Variants in SCMH1 observed in about 807,000 individuals in gnomAD.
SCMH1 encodes polycomb protein SCMH1.
Under a neutral mutation model 70.8 loss-of-function variants are expected in SCMH1, and 37 were observed. The observed-to-expected ratio is 0.52, with a 90% confidence interval of 0.40 to 0.69. SCMH1 has a LOEUF of 0.69. Among genes scored for constraint, SCMH1 ranks in the 30% least tolerant of loss-of-function variants. The pLI, the probability that SCMH1 is intolerant of heterozygous loss-of-function variation, is 0.00. For missense variants in SCMH1, 607 were observed against 827.3 expected (o/e 0.73, Z 3.27); for synonymous variants, 292 against 307.4 (o/e 0.95, Z 0.52).
chr1:41,180,540 T>C (rs1465194632), intron 2 of SCMH1, among the ~76,000 whole-genome samples: 1 of 152,168 alleles, frequency 6.6e-6, no homozygotes, highest in Admixed American at 6.5e-5. Context: ...AAAAGCATTC[T>C]TATACACCAA....
At chr1:41,178,677 A>C (rs1373798900) in intron 2 of SCMH1, among the ~76,000 whole-genome samples, 6 of 152,268 alleles carry the variant, frequency 3.9e-5, no homozygotes, top group Non-Finnish European at 7.3e-5. Context: ...TTCAACAAGA[A>C]GAGCTAACTA....
intron 1 of SCMH1, among the ~76,000 whole-genome samples, chr1:41,203,945 C>T (rs567995845): frequency 3.3e-4 from 50 of 152,188 alleles, no homozygotes; most frequent in Non-Finnish European, 5.4e-4. Flanking sequence ...CACTTCACAC[C>T]TCTATATTTC....
At chr1:41,087,007 A>C (rs1020754169) in intron 8 of SCMH1, among the ~76,000 whole-genome samples, 4 of 152,150 alleles carry the variant, frequency 2.6e-5, no homozygotes, top group African/African-American at 9.7e-5. Flanking sequence ...CAAAGCTTCT[A>C]TTATGAAAAC....
intron 1 of SCMH1, among the ~76,000 whole-genome samples, chr1:41,236,533 G>C (rs1489339937): frequency 1.3e-5 from 2 of 152,174 alleles, no homozygotes; most frequent in African/African-American, 4.8e-5. Context: ...TAACAGTATG[G>C]AAGACAGACC....
chr1:41,134,029 C>A (rs1411063134), intron 6 of SCMH1, among the ~76,000 whole-genome samples: 1 of 152,266 alleles, frequency 6.6e-6, no homozygotes, highest in East Asian at 1.9e-4. Context: ...ATGCAAAAAT[C>A]CTCAATAAAA....
chr1:41,229,389 A>ACCATGGAATACTATGTAG, intron 1 of SCMH1, among the ~76,000 whole-genome samples: 1 of 152,304 alleles, frequency 6.6e-6, no homozygotes, highest in African/African-American at 2.4e-5. Flanking sequence ...GCACATATAC[A>ACCATGGAATACTATGTAG]CCATGGAATA....
intron 8 of SCMH1, among the ~76,000 whole-genome samples, chr1:41,095,803 G>A (rs1326057021): frequency 6.6e-6 from 1 of 152,098 alleles, no homozygotes; most frequent in Non-Finnish European, 1.5e-5. Flanking sequence ...AAATGCTTAA[G>A]TAAGTTTATC....
At chr1:41,155,707 CG>C (rs1442779352) in intron 4 of SCMH1, among the ~76,000 whole-genome samples, 1 of 152,006 alleles carries the variant, frequency 6.6e-6, no homozygotes, top group Non-Finnish European at 1.5e-5. Context: ...TTGGGCCGGG[CG>C]CAGTAGTTCA....
At chr1:41,046,501 A>C (rs774904829) in exon 12 of SCMH1, 1 of 1,614,202 alleles carries the variant, frequency 6.2e-7, no homozygotes, top group East Asian at 2.2e-5. Flanking sequence ...GATTGTCACT[A>C]CGAAGGTTGT....
At chr1:41,143,618 C>T (rs1355966909) in intron 5 of SCMH1, among the ~76,000 whole-genome samples, 1 of 152,126 alleles carries the variant, frequency 6.6e-6, no homozygotes, top group East Asian at 1.9e-4. Context: ...TTTAGTAAGT[C>T]TTGACATATG....
chr1:41,222,603 A>G (rs1659521576), intron 1 of SCMH1, among the ~76,000 whole-genome samples: 1 of 152,178 alleles, frequency 6.6e-6, no homozygotes, highest in Non-Finnish European at 1.5e-5. Flanking sequence ...TATGCCAAGG[A>G]ACTCTACAGA....
intron 4 of SCMH1, among the ~76,000 whole-genome samples, chr1:41,156,337 G>C (rs979451745): frequency 5.9e-5 from 9 of 152,298 alleles, no homozygotes; most frequent in African/African-American, 1.9e-4. Flanking sequence ...CTTTAGATCA[G>C]AAATTCCACT....
chr1:41,096,419 T>G (rs60424846), intron 8 of SCMH1, among the ~76,000 whole-genome samples: 7 of 152,190 alleles, frequency 4.6e-5, no homozygotes, highest in African/African-American at 1.7e-4. Flanking sequence ...ATTTGTAAAA[T>G]AGATAATAGT....
intron 6 of SCMH1, among the ~76,000 whole-genome samples, chr1:41,138,493 C>T (rs990428592): frequency 1.3e-5 from 2 of 151,848 alleles, no homozygotes; most frequent in East Asian, 3.9e-4. Context: ...ACTTTTTAAC[C>T]TTTTCTAATA....
chr1:41,058,434 G>C (rs1447534525), intron 10 of SCMH1, among the ~76,000 whole-genome samples: 1 of 121,492 alleles, frequency 8.2e-6, no homozygotes. Context: ...AGGCTGGAGT[G>C]CAGTGGCACA....
intron 10 of SCMH1, among the ~76,000 whole-genome samples, chr1:41,067,018 G>A (rs1475885339): frequency 6.6e-6 from 1 of 152,166 alleles, no homozygotes; most frequent in Non-Finnish European, 1.5e-5. Flanking sequence ...ATAAAAACCT[G>A]CACACAGATA....
At chr1:41,087,112 C>T (rs1260574343) in intron 8 of SCMH1, among the ~76,000 whole-genome samples, 2 of 152,146 alleles carry the variant, frequency 1.3e-5, no homozygotes, top group South Asian at 4.2e-4. Context: ...AAAGCAGTAT[C>T]TCAAATTACT....
intron 4 of SCMH1, among the ~76,000 whole-genome samples, chr1:41,160,227 G>A (rs1024139705): frequency 6.6e-6 from 1 of 152,102 alleles, no homozygotes; most frequent in Non-Finnish European, 1.5e-5. Context: ...AATTGATACA[G>A]GTATCTGGAT....
intron 10 of SCMH1, among the ~76,000 whole-genome samples, chr1:41,066,559 A>T (rs1208903317): frequency 1.3e-5 from 2 of 152,050 alleles, no homozygotes; most frequent in Non-Finnish European, 2.9e-5. Context: ...AAATGCTTTT[A>T]GTCAGCCATC....
Sources: gnomAD v4.1 joint callset for allele counts (sites outside exome capture counted in the v4.1 genomes callset) on GRCh38, gnomAD v4.1.1 for gene constraint, MANE v1.5 for transcripts, NCBI Gene and HGNC (gene_info 2026-07-23, HGNC 2026-07-21) for gene names.